The following VSIG10 variants were observed in gnomAD, a reference collection of about 807,000 sequenced individuals.
VSIG10 encodes V-set and immunoglobulin domain containing 10, also known as V-set and immunoglobulin domain-containing protein 10.
A neutral mutation model predicts 58.7 loss-of-function variants in VSIG10; 48 were observed. The observed-to-expected ratio is 0.82, with a 90% CI of 0.65 to 1.04. The LOEUF (loss-of-function observed/expected upper bound fraction) is 1.04. VSIG10 is among the 50% of genes least tolerant of loss of function. The pLI is 0.00. For synonymous variants in VSIG10, 260 were observed against 267.1 expected (o/e 0.97, Z 0.26); for missense variants, 628 against 670.0 (o/e 0.94, Z 0.69).
intron 4 of VSIG10, among the ~76,000 whole-genome samples, chr12:118,076,937 G>A (rs148599865): frequency 0.013 from 2,052 of 152,236 alleles, 39 homozygotes; most frequent in African/African-American, 0.047. Context: ...GGGATTACAG[G>A]CGTGAGCCAC....
rs1212205017 is a variant in VSIG10, at chr12:118,068,552, CTCTTCT to C, written c.1386_1391del (p.Glu473_Glu474del). 2.5e-6 allele frequency: 4 copies of C among 1,583,868 alleles called. No individual in the cohort carries two copies. The highest frequency in any genetic ancestry group is 3.4e-6 in the Non-Finnish European group (4 of 1,165,456). On this transcript the variant is annotated inframe_deletion, in exon 8 of 9. Coordinates refer to ENST00000359236, the MANE Select transcript of VSIG10 (RefSeq NM_019086.6). ...CCTCCTCCTCCTCCTCCTCCTCTTC[CTCTTCT>C]GAATCCACCAAAACCATGACATCAT... is the stretch of plus-strand genomic sequence containing the variant.
rs1361775600 is a variant in VSIG10, at chr12:118,081,995, CAAG to C, written c.664+129_664+131del. The C allele has an allele frequency of 6.7e-6, 7 of 1,050,942 alleles. No individual in the cohort carries two copies. In the African/African-American group the frequency reaches 7.5e-5, roughly 11 times the overall value. The allele number at this position is 1,050,942 out of a possible 1,614,324, so 65.1% of individuals were successfully genotyped here. ...TCGCAACTTTGCACTCCAGCCTGGG[CAAG>C]AAGAGGGAAACTCCATCTTAAAAAA... On this transcript the variant is annotated intron_variant, in intron 3 of 8. Coordinates refer to ENST00000359236, the MANE Select transcript of VSIG10 (RefSeq NM_019086.6).
chr12:118,068,681 C>T (rs1015840550), intron 7 of VSIG10, 84 bp from the exon 8 acceptor site: 1 of 1,414,204 alleles, frequency 7.1e-7, no homozygotes, highest in Non-Finnish European at 9.3e-7. Flanking sequence ...ACACTAGATT[C>T]TTTGCAACCC....
chr12:118,095,938 T>G lies in VSIG10; in HGVS notation c.80-124A>C, dbSNP rs555367063. ...GGTATATGTTCTTTTTTTTTTTTTTTTTTTTGAGACGGAGTCCCACTCTGT... is the reference window on the plus strand; with the variant it reads ...GGTATATGTTCTTTTTTTTTTTTTTGTTTTTGAGACGGAGTCCCACTCTGT... On this transcript the variant is annotated intron_variant, in intron 1 of 8. Transcript: ENST00000359236. 102 of 1,304,668 alleles carry G rather than the reference T, an allele frequency of 7.8e-5. No individual in the cohort carries two copies. In the African/African-American group the frequency reaches 1.4e-3, roughly 17 times the overall value. The allele number at this position is 1,304,668 out of a possible 1,614,324, so 80.8% of individuals were successfully genotyped here.
rs67582641 is a variant in VSIG10 at position 118,068,522 on chromosome 12, T to TTCC, written c.1419_1421dup (p.Glu474dup). ...CCTCCTGTTCCCCTACTGCAGCATCTTCCTCCTCCTCCTCCTCCTCCTCCT... is the reference window on the plus strand; with the variant it reads ...CCTCCTGTTCCCCTACTGCAGCATCTTCCTCCTCCTCCTCCTCCTCCTCCTCCT... On this transcript the variant is annotated inframe_insertion, in exon 8 of 9. Transcript: ENST00000359236. 2,375 of 1,602,468 alleles carry TTCC rather than the reference T, an allele frequency of 1.5e-3. 23 individuals are homozygous for TTCC. The African/African-American group carries it at 0.021, about 14-fold the overall frequency.
intron 3 of VSIG10, among the ~76,000 whole-genome samples, chr12:118,081,899 C>T (rs1440558820): frequency 6.6e-6 from 1 of 151,992 alleles, no homozygotes; most frequent in African/African-American, 2.4e-5. Flanking sequence ...GCCTGTAATC[C>T]CAGCTACCTC....
chr12:118,103,139 T>C (rs1269649586), intron 1 of VSIG10: 1 of 153,636 alleles, frequency 6.5e-6, no homozygotes, highest in African/African-American at 2.4e-5. Flanking sequence ...TGTAGGGAAG[T>C]CCACCGGTTA....
At chr12:118,071,999 G>A (rs983127560) in intron 5 of VSIG10, among the ~76,000 whole-genome samples, 3 of 151,622 alleles carry the variant, frequency 2.0e-5, no homozygotes, top group South Asian at 2.1e-4. Context: ...TTAAAACCCC[G>A]TCTCTACTAA....
At chr12:118,089,540 A>G (rs1024384926) in intron 2 of VSIG10, among the ~76,000 whole-genome samples, 3 of 152,222 alleles carry the variant, frequency 2.0e-5, no homozygotes, top group Non-Finnish European at 1.5e-5. Context: ...GAGGGAGACC[A>G]GCCAGCACTT....
intron 2 of VSIG10, among the ~76,000 whole-genome samples, chr12:118,087,321 ACAAGACAGAGACAC>A (rs34644693): frequency 0.025 from 3,745 of 151,966 alleles, 64 homozygotes; most frequent in Middle Eastern, 0.075. Flanking sequence ...CTGACCTCCT[ACAAGACAGAGACAC>A]CAAATGCCCA....
rs1320706424 is a variant in VSIG10, at chr12:118,063,902, C to T, written c.*2737G>A. 1 of 152,066 alleles carries T rather than the reference C, an allele frequency of 6.6e-6. No homozygotes were observed. The highest frequency in any genetic ancestry group is 1.5e-5 in the Non-Finnish European group (1 of 68,026). 9.4% of individuals were successfully genotyped at this position (152,066 alleles called of 1,614,324 possible). ...TTGTATGTGCTTGTGAGAATTGGGG[C>T]TAATATCAAAGCCACAGAATTGTGG... is the stretch of plus-strand genomic sequence containing the variant. On this transcript the variant is annotated 3_prime_UTR_variant, in exon 9 of 9. Coordinates refer to ENST00000359236, the MANE Select transcript of VSIG10 (RefSeq NM_019086.6).
rs770251138 is a variant in VSIG10 at position 118,068,497 on chromosome 12, C to T, written c.1447G>A (p.Gly483Arg). The T allele has an allele frequency of 1.2e-6, 2 of 1,612,814 alleles. No homozygotes were observed. The highest frequency in any genetic ancestry group is 1.1e-5 in the South Asian group (1 of 91,034). ...GGCAACTCCTCTCTCTCACGTGCTC[C>T]CTCCTGTTCCCCTACTGCAGCATCT... ...EEDAAVGEQEGAREREELPKE... is the reference protein window; with the variant it reads ...EEDAAVGEQERAREREELPKE... The change falls in exon 8 of 9, where the codon GGA (glycine) becomes AGA (arginine). Residue 483 changes from glycine to arginine, a missense_variant. Coordinates refer to ENST00000359236, the MANE Select transcript of VSIG10 (RefSeq NM_019086.6).
At chr12:118,101,493 TGTCCAGAGG>T (rs2033622120) in intron 1 of VSIG10, 1 of 152,196 alleles carries the variant, frequency 6.6e-6, no homozygotes, top group South Asian at 2.1e-4. Flanking sequence ...ATTCATATGG[TGTCCAGAGG>T]GTCCTTCTTG....
At chr12:118,071,178 T>C in intron 6 of VSIG10, 111 bp from the exon 7 acceptor site, 2 of 1,329,042 alleles carry the variant, frequency 1.5e-6, no homozygotes, top group Non-Finnish European at 2.1e-6. Context: ...ACTGACTCAA[T>C]ATGACAGGTG....
Position 118,066,628 on chromosome 12 carries a change from C to T in VSIG10, c.*11G>A, listed in dbSNP as rs1007053680. 10 of 1,613,602 alleles carry T rather than the reference C, an allele frequency of 6.2e-6. No individual in the cohort carries two copies. Among genetic ancestry groups the T allele is most frequent in the African/African-American group, 1.3e-5 (1 of 74,888 alleles). ...CTTTCAGAGCAAGACAACCATGGAC[C>T]ATCCTCTTCTTCAGACTGGCCTGTC... On this transcript the variant is annotated 3_prime_UTR_variant, in exon 9 of 9. Transcript: ENST00000359236.
intron 2 of VSIG10, among the ~76,000 whole-genome samples, chr12:118,086,520 G>C (rs934341411): frequency 1.3e-5 from 2 of 152,054 alleles, no homozygotes; most frequent in African/African-American, 4.8e-5. Flanking sequence ...TGACCAGCCT[G>C]TCTGCAGGTA....
chr12:118,095,918 A>C, intron 1 of VSIG10, 104 bp from the exon 2 acceptor site: 2 of 845,438 alleles, frequency 2.4e-6, no homozygotes, highest in Non-Finnish European at 3.4e-6. Context: ...AATCAGGTAT[A>C]TGTTCTTTTT....
chr12:118,092,824 T>C (rs953608593), intron 2 of VSIG10, among the ~76,000 whole-genome samples: 9 of 151,722 alleles, frequency 5.9e-5, no homozygotes, highest in African/African-American at 2.2e-4. Flanking sequence ...TTTGTAGAAA[T>C]GGGGTCTTGC....
intron 1 of VSIG10, among the ~76,000 whole-genome samples, chr12:118,099,533 G>A (rs998375426): frequency 3.9e-5 from 6 of 152,276 alleles, no homozygotes; most frequent in Middle Eastern, 3.4e-3. Context: ...CCATTTTGCT[G>A]AGAAGTTTCA....
Sources: allele counts gnomAD v4.1 joint callset (sites outside exome capture counted in the v4.1 genomes callset), GRCh38; gene constraint gnomAD v4.1.1; transcripts MANE v1.5; gene names NCBI Gene and HGNC (gene_info 2026-07-23, HGNC 2026-07-21).